The following SLC2A13 variants were observed in gnomAD, a reference collection of about 807,000 sequenced individuals.
SLC2A13 encodes solute carrier family 2 member 13.
A neutral mutation model predicts 64.4 loss-of-function variants in SLC2A13; 32 were observed. The observed-to-expected ratio is 0.50, with a 90% CI of 0.37 to 0.67. The LOEUF is 0.67. SLC2A13 is among the 30% of genes least tolerant of loss of function. SLC2A13 has a pLI of 0.00. For missense variants in SLC2A13, 743 were observed against 829.2 expected (o/e 0.90, Z 1.28); for synonymous variants, 338 against 327.1 (o/e 1.03, Z -0.36).
At chr12:39,973,854 C>G (rs527413366) in intron 3 of SLC2A13, among the ~76,000 whole-genome samples, 2 of 152,320 alleles carry the variant, frequency 1.3e-5, no homozygotes, top group African/African-American at 4.8e-5. Context: ...GTTCTAATTT[C>G]CATCTGCAGA....
chr12:39,803,337 G>A (rs764264423), intron 7 of SLC2A13, among the ~76,000 whole-genome samples: 3 of 151,934 alleles, frequency 2.0e-5, no homozygotes, highest in East Asian at 1.9e-4. Flanking sequence ...ACAATCTACC[G>A]TGATCAGTAG....
intron 9 of SLC2A13, 126 bp downstream of exon 9, chr12:39,764,334 C>T: frequency 1.2e-6 from 1 of 821,892 alleles, no homozygotes. Flanking sequence ...GACAAGAAAG[C>T]CACATGGAGA....
intron 4 of SLC2A13, among the ~76,000 whole-genome samples, chr12:39,895,444 C>T (rs1364606471): frequency 7.5e-6 from 1 of 133,268 alleles, no homozygotes; most frequent in African/African-American, 2.9e-5. Context: ...GAGCCGAGAT[C>T]GTGCCACTGC....
intron 7 of SLC2A13, among the ~76,000 whole-genome samples, chr12:39,796,642 C>T (rs1368096967): frequency 1.3e-5 from 2 of 152,010 alleles, no homozygotes; most frequent in African/African-American, 2.4e-5. Context: ...GAGAGGAAAC[C>T]CAGGCCTTAG....
chr12:39,923,781 C>G (rs549997703), intron 4 of SLC2A13, among the ~76,000 whole-genome samples: 3 of 151,148 alleles, frequency 2.0e-5, no homozygotes, highest in Admixed American at 6.6e-5. Flanking sequence ...GGAGAACTGA[C>G]TAGTAACAAA....
At chr12:39,770,106 T>G (rs769514703) in intron 7 of SLC2A13, among the ~76,000 whole-genome samples, 19 of 152,100 alleles carry the variant, frequency 1.2e-4, no homozygotes, top group Non-Finnish European at 2.6e-4. Flanking sequence ...AAATTGCCTC[T>G]TCCTCTTCTC....
intron 1 of SLC2A13, among the ~76,000 whole-genome samples, chr12:40,078,094 T>C (rs1254089126): frequency 1.3e-5 from 2 of 152,114 alleles, no homozygotes; most frequent in Admixed American, 6.6e-5. Context: ...ATATCATCTG[T>C]AGATAGATAT....
intron 3 of SLC2A13, among the ~76,000 whole-genome samples, chr12:39,998,111 G>C (rs1048060648): frequency 6.6e-6 from 1 of 152,106 alleles, no homozygotes; most frequent in African/African-American, 2.4e-5. Context: ...CAAAAATGTG[G>C]AACCAACCCT....
intron 2 of SLC2A13, among the ~76,000 whole-genome samples, chr12:40,045,258 G>C (rs1948153160): frequency 6.6e-6 from 1 of 151,602 alleles, no homozygotes; most frequent in African/African-American, 2.4e-5. Context: ...TGAAGACTGG[G>C]GACATCTAAT....
At chr12:40,067,874 TAGAC>T (rs1176395393) in intron 1 of SLC2A13, among the ~76,000 whole-genome samples, 2 of 152,174 alleles carry the variant, frequency 1.3e-5, no homozygotes, top group African/African-American at 4.8e-5. Flanking sequence ...TTTAATCCCA[TAGAC>T]AGATTGCTTC....
chr12:39,984,245 G>A (rs1946984147), intron 3 of SLC2A13, among the ~76,000 whole-genome samples: 2 of 151,690 alleles, frequency 1.3e-5, no homozygotes, highest in South Asian at 2.1e-4. Context: ...CGAGTTAGTG[G>A]GTGCAGTGCA....
intron 6 of SLC2A13, among the ~76,000 whole-genome samples, chr12:39,862,339 C>T (rs1358090021): frequency 2.0e-5 from 3 of 152,096 alleles, no homozygotes; most frequent in African/African-American, 7.2e-5. Context: ...GTTCTTTAAC[C>T]ATTTACTTTC....
At chr12:40,063,821 A>T (rs1006503687) in intron 1 of SLC2A13, among the ~76,000 whole-genome samples, 2 of 152,208 alleles carry the variant, frequency 1.3e-5, no homozygotes, top group African/African-American at 4.8e-5. Context: ...AATCTCATTA[A>T]CTATTTTTTA....
At chr12:39,855,899 T>C (rs748939877) in intron 6 of SLC2A13, among the ~76,000 whole-genome samples, 12 of 152,202 alleles carry the variant, frequency 7.9e-5, no homozygotes, top group Non-Finnish European at 1.8e-4. Flanking sequence ...ACTATCTTAT[T>C]AGCACCACAC....
intron 3 of SLC2A13, among the ~76,000 whole-genome samples, chr12:39,968,122 AG>A (rs1946557259): frequency 6.6e-6 from 1 of 152,186 alleles, no homozygotes; most frequent in Non-Finnish European, 1.5e-5. Flanking sequence ...TAAAGGAAAG[AG>A]GTTTAATGGA....
intron 2 of SLC2A13, among the ~76,000 whole-genome samples, chr12:40,034,289 A>C (rs569525139): frequency 6.6e-6 from 1 of 152,214 alleles, no homozygotes; most frequent in Non-Finnish European, 1.5e-5. Context: ...CCATGAAAGC[A>C]TTAAGGTACA....
intron 3 of SLC2A13, among the ~76,000 whole-genome samples, chr12:39,992,275 G>A (rs566178883): frequency 4.6e-5 from 7 of 152,222 alleles, no homozygotes; most frequent in African/African-American, 9.6e-5. Flanking sequence ...AAGTGATTAC[G>A]TTGTGCTTTC....
chr12:40,086,853 AC>A (rs1448251283), intron 1 of SLC2A13, among the ~76,000 whole-genome samples: 1 of 152,116 alleles, frequency 6.6e-6, no homozygotes, highest in Non-Finnish European at 1.5e-5. Context: ...ATTGTGGGAG[AC>A]CTGTCAAGCT....
Position 39,951,383 on chromosome 12 carries a change from G to GAAAA in SLC2A13, c.926-22_926-19dup, listed in dbSNP as rs11446411. ...AGGTCCAGCTTTTTTAAGAAAGAAAGAAAAAAAAAATACAACTATTATTTT... is the reference window on the plus strand; with the variant it reads ...AGGTCCAGCTTTTTTAAGAAAGAAAGAAAAAAAAAAAAAATACAACTATTATTTT... On this transcript the variant is annotated intron_variant, in intron 3 of 9. Transcript: ENST00000280871. 11 of 1,372,438 alleles carry GAAAA rather than the reference G, an allele frequency of 8.0e-6. No individual in the cohort carries two copies. Among genetic ancestry groups the GAAAA allele is most frequent in the South Asian group, 2.8e-5 (2 of 70,680 alleles). 85.0% of individuals were successfully genotyped at this position (1,372,438 alleles called of 1,614,324 possible). A position where few individuals can be genotyped will look rare whatever the true frequency, so the allele number is the denominator to read the frequency against.
Sources: gnomAD v4.1 joint callset for allele counts (sites outside exome capture counted in the v4.1 genomes callset) on GRCh38, gnomAD v4.1.1 for gene constraint, MANE v1.5 for transcripts, NCBI Gene and HGNC (gene_info 2026-07-23, HGNC 2026-07-21) for gene names.